Variants in ADAMTS16 observed in about 807,000 individuals in gnomAD.
The protein encoded by ADAMTS16 is A disintegrin and metalloproteinase with thrombospondin motifs 16.
In ADAMTS16, 94 loss-of-function variants were observed where a neutral mutation model predicts 145.8. The ratio of observed to expected loss-of-function variants is 0.64; its 90% CI spans 0.55 to 0.77. The LOEUF is 0.77. ADAMTS16 is among the 30% of genes least tolerant of loss of function. The pLI is 0.00. For missense variants in ADAMTS16, 1,585 were observed against 1,591.5 expected (o/e 1.00, Z 0.07); for synonymous variants, 659 against 604.3 (o/e 1.09, Z -1.33).
At chr5:5,282,264 C>T (rs1450264666) in intron 18 of ADAMTS16, among the ~76,000 whole-genome samples, 1 of 152,156 alleles carries the variant, frequency 6.6e-6, no homozygotes, top group Admixed American at 6.5e-5. Flanking sequence ...TTACATGACA[C>T]ATTTAGAAAG....
intron 3 of ADAMTS16, among the ~76,000 whole-genome samples, chr5:5,166,912 A>G (rs551386935): frequency 6.6e-6 from 1 of 152,298 alleles, no homozygotes; most frequent in Non-Finnish European, 1.5e-5. Context: ...CGCTGGGCCC[A>G]CGGCCTTCCC....
chr5:5,205,723 C>T (rs1410713951), intron 9 of ADAMTS16, among the ~76,000 whole-genome samples: 1 of 152,138 alleles, frequency 6.6e-6, no homozygotes, highest in Non-Finnish European at 1.5e-5. Flanking sequence ...TGCTTATTTG[C>T]CATCTATATA....
Position 5,283,130 on chromosome 5 carries a change from C to T in ADAMTS16, c.2790-20138C>T, listed in dbSNP as rs563816568. ...GTGTATATCTCTTATTTACCCCTGC[C>T]CTTAGTTTAAAGGCAATGACATATA... On this transcript the variant is annotated intron_variant, in intron 18 of 22. Coordinates refer to ENST00000274181, the MANE Select transcript of ADAMTS16 (RefSeq NM_139056.4). Among the ~76,000 whole-genome samples the T allele has an allele frequency of 8.7e-4, 132 of 152,098 alleles. 2 individuals are homozygous for T. The highest frequency in any genetic ancestry group is 3.0e-3 in the African/African-American group (125 of 41,484).
chr5:5,289,912 T>TGTC (rs2126486687), intron 18 of ADAMTS16, among the ~76,000 whole-genome samples: 1 of 152,348 alleles, frequency 6.6e-6, no homozygotes, highest in East Asian at 1.9e-4. Flanking sequence ...TCAAAAGTGC[T>TGTC]GTCTCTACAT....
chr5:5,232,519 A>G lies in ADAMTS16; in HGVS notation c.1850+3A>G. ...AGTCGCCTCTGCACCAACCCCAAGT[A>G]AGTATGCCTTGACCTCCTTCCTCAC... On this transcript the variant is annotated splice_donor_region_variant and intron_variant, in intron 12 of 22. Transcript: ENST00000274181. 6.2e-7 allele frequency: 1 copy of G among 1,612,306 alleles called. No homozygotes were observed.
chr5:5,155,009 A>G (rs1340450494), intron 3 of ADAMTS16, among the ~76,000 whole-genome samples: 1 of 152,170 alleles, frequency 6.6e-6, no homozygotes, highest in Non-Finnish European at 1.5e-5. Context: ...CTACTTTTAA[A>G]GAGAGTGCTT....
intron 9 of ADAMTS16, among the ~76,000 whole-genome samples, chr5:5,205,816 TGTAA>T (rs1579309796): frequency 6.6e-6 from 1 of 152,240 alleles, no homozygotes; most frequent in Non-Finnish European, 1.5e-5. Context: ...GTTCTTGGAT[TGTAA>T]GTGTTATTTA....
Position 5,303,728 on chromosome 5 carries a change from C to T in ADAMTS16, c.3148C>T (p.Pro1050Ser), listed in dbSNP as rs764971316. 4 of 1,613,408 alleles carry T rather than the reference C, an allele frequency of 2.5e-6. No homozygotes were observed. The highest frequency in any genetic ancestry group is 3.4e-6 in the Non-Finnish European group (4 of 1,180,018). The change falls in exon 20 of 23, where the codon CCC becomes TCC. Residue 1050 changes from proline (P) to serine (S), a missense_variant. Transcript: ENST00000274181. ...EACLLQRCHKPKKLQWLVSAW... is the reference protein window; with the variant it reads ...EACLLQRCHKSKKLQWLVSAW... ...CTGTCTGCTTCAGCGCTGCCACAAGCCCAAGAAGCTGCAGTGGCTGGTGTC... is the reference window on the plus strand; with the variant it reads ...CTGTCTGCTTCAGCGCTGCCACAAGTCCAAGAAGCTGCAGTGGCTGGTGTC...
At chr5:5,150,194 T>G (rs1734411469) in intron 3 of ADAMTS16, among the ~76,000 whole-genome samples, 1 of 152,216 alleles carries the variant, frequency 6.6e-6, no homozygotes, top group Non-Finnish European at 1.5e-5. Flanking sequence ...TGCCAAATCT[T>G]GTTATTGTTC....
chr5:5,242,195 G>A lies in ADAMTS16; in HGVS notation c.2662+4G>A. On this transcript the variant is annotated splice_donor_region_variant and intron_variant, in intron 17 of 22. Transcript: ENST00000274181. ...TGCTCCGTGTCCTGCGGAGGGGGTA[G>A]GTGCCTTCCAGTGCTGCTCCTGGAG... 3 of 1,613,514 alleles carry A rather than the reference G, an allele frequency of 1.9e-6. No individual in the cohort carries two copies. Among genetic ancestry groups the A allele is most frequent in the Non-Finnish European group, 2.5e-6 (3 of 1,179,918 alleles).
At position 5,319,390 on chromosome 5, in the gene ADAMTS16, G is replaced by C. The variant is rs972654735; in HGVS notation, c.*252G>C. 2.0e-6 allele frequency: 1 copy of C among 494,776 alleles called. No individual in the cohort carries two copies. The highest frequency in any genetic ancestry group is 3.7e-6 in the Non-Finnish European group (1 of 273,484). 30.6% of individuals were successfully genotyped at this position (494,776 alleles called of 1,614,324 possible). A position where few individuals can be genotyped will look rare whatever the true frequency, so the allele number is the denominator to read the frequency against. ...ACCCTGGCAGACAGAGCTGTGGCTC[G>C]TGAGGCAGAAGGCAGGCACCACAAC... On this transcript the variant is annotated 3_prime_UTR_variant, in exon 23 of 23. Transcript: ENST00000274181.
intron 18 of ADAMTS16, 94 bp from the exon 19 acceptor site, chr5:5,303,174 G>C (rs1739861657): frequency 6.0e-6 from 8 of 1,322,602 alleles, no homozygotes; most frequent in Non-Finnish European, 7.1e-6. Context: ...ACCGTGGCTG[G>C]GAAATCGCGC....
intron 11 of ADAMTS16, among the ~76,000 whole-genome samples, chr5:5,226,968 G>A (rs999027993): frequency 1.2e-4 from 19 of 152,052 alleles, no homozygotes; most frequent in Admixed American, 3.9e-4. Flanking sequence ...CTAGCTCTTC[G>A]GTCACTGGGG....
At chr5:5,206,413 G>C (rs1183159411) in intron 9 of ADAMTS16, among the ~76,000 whole-genome samples, 2 of 60,554 alleles carry the variant, frequency 3.3e-5, no homozygotes, top group African/African-American at 1.5e-4. Context: ...GCGACAGAGC[G>C]AGACTCCGTC....
intron 3 of ADAMTS16, among the ~76,000 whole-genome samples, chr5:5,173,025 T>C (rs1458393680): frequency 1.3e-5 from 2 of 152,178 alleles, no homozygotes; most frequent in Non-Finnish European, 2.9e-5. Flanking sequence ...TTTTGTCTCG[T>C]GTAAGTTTAG....
chr5:5,216,439 C>T (rs1339059465), intron 10 of ADAMTS16, among the ~76,000 whole-genome samples: 3 of 151,592 alleles, frequency 2.0e-5, no homozygotes, highest in Non-Finnish European at 4.4e-5. Context: ...TTTTGTCAGA[C>T]GTATAGATTG....
Position 5,310,759 on chromosome 5 carries a change from C to A in ADAMTS16, c.3411+4031C>A, listed in dbSNP as rs893899043. ...TACCTTAATTTTGGATTTCTGGCGT[C>A]CTAAACTGTGAAAGAATAAATTTCT... is the stretch of plus-strand genomic sequence containing the variant. On this transcript the variant is annotated intron_variant, in intron 21 of 22. Coordinates refer to ENST00000274181, the MANE Select transcript of ADAMTS16 (RefSeq NM_139056.4). The surrounding 1 kb of genome is among the most constrained non-coding windows in gnomAD (Gnocchi z 4.3). Among the ~76,000 whole-genome samples the A allele has an allele frequency of 2.0e-5, 3 of 152,198 alleles. No homozygotes were observed. The highest frequency in any genetic ancestry group is 7.2e-5 in the African/African-American group (3 of 41,446).
rs777898122 is a variant in ADAMTS16, at chr5:5,200,112, T to TCC, written c.1314-19_1314-18insCC. 1 of 1,581,990 alleles carries TCC rather than the reference T, an allele frequency of 6.3e-7. No individual in the cohort carries two copies. Among genetic ancestry groups the TCC allele is most frequent in the Non-Finnish European group, 8.6e-7 (1 of 1,164,512 alleles). Reference sequence around the variant, plus strand: ...GTTTTTGTTCTGAAAGAACCATCTCTCTCTCTCTCTCTCTCATAGCTTTGG... The same window carrying TCC: ...GTTTTTGTTCTGAAAGAACCATCTCTCCCTCTCTCTCTCTCTCATAGCTTTGG... On this transcript the variant is annotated intron_variant, in intron 8 of 22. Coordinates refer to ENST00000274181, the MANE Select transcript of ADAMTS16 (RefSeq NM_139056.4).
At chr5:5,318,389 C>A in intron 22 of ADAMTS16, 108 bp downstream of exon 22, 2 of 1,115,312 alleles carry the variant, frequency 1.8e-6, no homozygotes, top group East Asian at 3.1e-5. Context: ...TCTGATCTAC[C>A]TTTTCTCTCT....
Sources: allele counts gnomAD v4.1 joint callset (sites outside exome capture counted in the v4.1 genomes callset), GRCh38; gene constraint gnomAD v4.1.1; non-coding constraint Gnocchi (gnomAD v3.1); transcripts MANE v1.5; gene names NCBI Gene and HGNC (gene_info 2026-07-23, HGNC 2026-07-21).